IL1RAPL1: variants seen among roughly 807,000 people sequenced by gnomAD.
IL1RAPL1 encodes the protein interleukin 1 receptor accessory protein like 1.
In IL1RAPL1, 3 loss-of-function variants were observed where a neutral mutation model predicts 48.4. The ratio of observed to expected loss-of-function variants is 0.06; its 90% CI spans 0.03 to 0.16. The LOEUF is 0.16. Among genes scored for constraint, IL1RAPL1 ranks in the 10% least tolerant of loss-of-function variants. The pLI is 1.00. For synonymous variants in IL1RAPL1, 185 were observed against 187.7 expected, an observed-to-expected ratio of 0.99 and a Z score of 0.12; for missense variants, 349 against 530.6, an observed-to-expected ratio of 0.66 and a Z score of 3.36.
intron 3 of IL1RAPL1, among the ~76,000 whole-genome samples, chrX:29,333,870 C>T (rs1482701874): frequency 3.1e-3 from 190 of 60,355 alleles, no homozygotes; most frequent in East Asian, 7.6e-3. Flanking sequence ...CCAGTAGGGG[C>T]GGCCGGGCAG....
intron 2 of IL1RAPL1, among the ~76,000 whole-genome samples, chrX:29,077,635 C>T (rs1265816260): frequency 2.0e-5 from 2 of 100,427 alleles, no homozygotes; most frequent in Non-Finnish European, 4.0e-5. Context: ...AAAAGAAAAC[C>T]GAAAACCTAC....
intron 8 of IL1RAPL1, among the ~76,000 whole-genome samples, chrX:29,925,544 T>C (rs1462551538): frequency 9.5e-6 from 1 of 105,587 alleles, no homozygotes; most frequent in African/African-American, 3.5e-5. Flanking sequence ...TTATTATTTA[T>C]GTTTATTTTT....
At chrX:29,860,563 T>C (rs1203008697) in intron 6 of IL1RAPL1, among the ~76,000 whole-genome samples, 1 of 110,600 alleles carries the variant, frequency 9.0e-6, no homozygotes, top group African/African-American at 3.3e-5. Context: ...TCTGTGTCCA[T>C]GTGTTCTCAT....
chrX:29,002,219 G>A lies in IL1RAPL1; in HGVS notation c.82+212794G>A, dbSNP rs182756470. 3.0e-4 allele frequency among the ~76,000 whole-genome samples: 33 copies of A among 111,034 alleles called. 1 individual carries two copies. The East Asian group carries it at 7.6e-3, about 26-fold the overall frequency. On this transcript the variant is annotated intron_variant, in intron 2 of 10. Transcript: ENST00000378993. The stretch of plus-strand genomic sequence containing the variant: ...CAGGCCCCAAGAACTATTTTATCAT[G>A]AAAATGATAGAACAAAACTACATGC...
chrX:29,644,636 G>A (rs1925270106), intron 5 of IL1RAPL1, among the ~76,000 whole-genome samples: 1 of 110,016 alleles, frequency 9.1e-6, no homozygotes, highest in Admixed American at 9.7e-5. Context: ...GCATGATCTC[G>A]GTTCACTGCA....
intron 1 of IL1RAPL1, among the ~76,000 whole-genome samples, chrX:28,743,162 T>C (rs1249908998): frequency 1.8e-5 from 2 of 111,482 alleles, no homozygotes; most frequent in Admixed American, 9.6e-5. Flanking sequence ...TAACCTCTAA[T>C]GGTCATCTAT....
At chrX:28,998,397 A>G (rs996116840) in intron 2 of IL1RAPL1, among the ~76,000 whole-genome samples, 2 of 111,711 alleles carry the variant, frequency 1.8e-5, no homozygotes, top group Non-Finnish European at 3.8e-5. Flanking sequence ...TCCTTCTTCA[A>G]TATGTCATCA....
intron 6 of IL1RAPL1, among the ~76,000 whole-genome samples, chrX:29,908,340 C>G (rs963436598): frequency 1.9e-5 from 2 of 106,930 alleles, no homozygotes; most frequent in Non-Finnish European, 3.8e-5. Context: ...GAGTTCAAGA[C>G]CAGGCTGGGT....
chrX:29,366,255 G>T (rs1363319311), intron 3 of IL1RAPL1, among the ~76,000 whole-genome samples: 4 of 110,568 alleles, frequency 3.6e-5, no homozygotes, highest in African/African-American at 1.3e-4. Flanking sequence ...TTTTTCTAAG[G>T]ACCCCTTCTA....
At chrX:29,880,536 G>C (rs958587909) in intron 6 of IL1RAPL1, among the ~76,000 whole-genome samples, 1 of 111,760 alleles carries the variant, frequency 8.9e-6, no homozygotes, top group South Asian at 3.7e-4. Context: ...AATTATGTTC[G>C]TTTTATGGCA....
At chrX:29,511,246 C>A (rs932484530) in intron 5 of IL1RAPL1, among the ~76,000 whole-genome samples, 2 of 111,824 alleles carry the variant, frequency 1.8e-5, no homozygotes, top group Non-Finnish European at 3.8e-5. Flanking sequence ...ACTGGGCATG[C>A]AGTAGATGTT....
At chrX:29,760,400 C>T (rs767576065) in intron 6 of IL1RAPL1, among the ~76,000 whole-genome samples, 23 of 111,475 alleles carry the variant, frequency 2.1e-4, no homozygotes, top group Non-Finnish European at 3.0e-4. Context: ...GTAAAGGGTA[C>T]GTGGAATAGA....
chrX:29,469,222 A>C (rs1348949257), intron 5 of IL1RAPL1, among the ~76,000 whole-genome samples: 1 of 112,304 alleles, frequency 8.9e-6, no homozygotes, highest in Non-Finnish European at 1.9e-5. Context: ...TCTGCTTAAC[A>C]ATATGATGGT....
intron 6 of IL1RAPL1, among the ~76,000 whole-genome samples, chrX:29,794,559 G>T (rs184985221): frequency 1.1e-4 from 12 of 109,355 alleles, no homozygotes; most frequent in Admixed American, 1.1e-3. Context: ...CCAACATTTA[G>T]TCGCAAATAG....
chrX:29,413,784 G>A (rs1340595718), intron 5 of IL1RAPL1, among the ~76,000 whole-genome samples: 3 of 110,620 alleles, frequency 2.7e-5, no homozygotes, highest in Non-Finnish European at 5.7e-5. Flanking sequence ...AGAAAATTCA[G>A]AATATCTTAT....
At chrX:29,835,796 A>G (rs747888713) in intron 6 of IL1RAPL1, among the ~76,000 whole-genome samples, 8 of 107,951 alleles carry the variant, frequency 7.4e-5, no homozygotes, top group South Asian at 3.9e-4. Context: ...ATAATTATTT[A>G]TAATAGTCTC....
chrX:29,235,252 A>G (rs905017477), intron 2 of IL1RAPL1, among the ~76,000 whole-genome samples: 2 of 111,791 alleles, frequency 1.8e-5, no homozygotes, highest in Non-Finnish European at 3.8e-5. Flanking sequence ...CTTTCATAAC[A>G]TTATGAAGAC....
intron 2 of IL1RAPL1, among the ~76,000 whole-genome samples, chrX:29,272,040 C>T (rs1288520412): frequency 6.3e-5 from 7 of 111,264 alleles, no homozygotes; most frequent in South Asian, 3.7e-4. Context: ...TACTTTTAGG[C>T]GTTACATTTA....
intron 1 of IL1RAPL1, among the ~76,000 whole-genome samples, chrX:28,668,048 G>A (rs1934901498): frequency 8.9e-6 from 1 of 111,799 alleles, no homozygotes; most frequent in Non-Finnish European, 1.9e-5. Flanking sequence ...TAGCAATTAG[G>A]CGGTGCTTGG....
Sources: allele counts gnomAD v4.1 joint callset (sites outside exome capture counted in the v4.1 genomes callset), GRCh38; gene constraint gnomAD v4.1.1; transcripts MANE v1.5; gene names NCBI Gene and HGNC (gene_info 2026-07-23, HGNC 2026-07-21).